Variants in UBXN10 observed in about 807,000 individuals in gnomAD.
UBXN10 encodes the protein UBX domain protein 10, also known as UBX domain-containing protein 10.
In UBXN10, 6 loss-of-function variants were observed where a neutral mutation model predicts 6.9. The ratio of observed to expected loss-of-function variants is 0.87; its 90% CI spans 0.48 to 1.72. The LOEUF (loss-of-function observed/expected upper bound fraction) is 1.72, where lower values mean the gene tolerates loss of function less well. Among genes scored for constraint, UBXN10 ranks in the 40% most tolerant of loss-of-function variants. UBXN10 has a pLI of 0.01. For missense variants in UBXN10, 317 were observed against 348.4 expected, an observed-to-expected ratio of 0.91 and a Z score of 0.72; for synonymous variants, 131 against 135.2, an observed-to-expected ratio of 0.97 and a Z score of 0.21.
chr1:20,184,503 G>C (rs2018332780), upstream of UBXN10: 1 of 152,228 alleles, frequency 6.6e-6, no homozygotes, highest in African/African-American at 2.4e-5. Context: ...CCAAAGAAGA[G>C]GCCTGGCCCA....
chr1:20,183,610 A>G (rs2018312076), upstream of UBXN10, among the ~76,000 whole-genome samples: 1 of 152,232 alleles, frequency 6.6e-6, no homozygotes, highest in Non-Finnish European at 1.5e-5. Context: ...GGCATGTTCC[A>G]CTGGACCAAA....
Position 20,190,942 on chromosome 1 carries a change from G to C in UBXN10, c.381G>C (p.Glu127Asp), listed in dbSNP as rs765893798. The C allele has an allele frequency of 3.1e-6, 5 of 1,614,156 alleles. No homozygotes were observed. The highest frequency in any genetic ancestry group is 4.2e-6 in the Non-Finnish European group (5 of 1,180,034). ...CCATCAACAGAAAGAACCTGGAGGA[G>C]GAGGCTGTGGAAACCGTTGCCAAAA... Reference protein sequence around the residue: ...LPSINRKNLEEEAVETVAKKA... With the variant: ...LPSINRKNLEDEAVETVAKKA... Residue 127 changes from glutamate to aspartate, a missense_variant, in exon 2 of 2, where the codon GAG (glutamate) becomes GAC (aspartate). Glu to Asp is a conservative substitution (Grantham distance 45). Coordinates refer to ENST00000375099, the MANE Select transcript of UBXN10 (RefSeq NM_152376.5).
rs2018541380 is a variant in UBXN10 at position 20,193,246 on chromosome 1, G to A, written c.*1842G>A. On this transcript the variant is annotated 3_prime_UTR_variant, in exon 2 of 2. Transcript: ENST00000375099. ...GGTAAGAATAAAATCCCACCCACCT[G>A]GGACTTGGTAATTTCTCCAGACAGG... The A allele has an allele frequency of 6.0e-6, 1 of 167,042 alleles. No individual in the cohort carries two copies. Among genetic ancestry groups the A allele is most frequent in the African/African-American group, 2.4e-5 (1 of 41,428 alleles). The allele number at this position is 167,042 out of a possible 1,614,324, so 10.3% of individuals were successfully genotyped here.
rs1470788882 is a variant in UBXN10, at chr1:20,192,115, A to G, written c.*711A>G. ...TTTAATAGAGACTGACTAGGTTTAC[A>G]ACTTCTGGGAGCTACTCTGTGGGCT... On this transcript the variant is annotated 3_prime_UTR_variant, in exon 2 of 2. Transcript: ENST00000375099. 6.0e-6 allele frequency: 1 copy of G among 167,092 alleles called. No individual in the cohort carries two copies. Among genetic ancestry groups the G allele is most frequent in the Non-Finnish European group, 1.5e-5 (1 of 68,110 alleles). 10.4% of individuals were successfully genotyped at this position (167,092 alleles called of 1,614,324 possible).
rs141452583 is a variant in UBXN10, at chr1:20,191,217, A to G, written c.656A>G (p.Asp219Gly). The change falls in exon 2 of 2, where the codon GAT (aspartate) becomes GGT (glycine). Residue 219 changes from aspartate (D) to glycine (G), a missense_variant. By Grantham distance (94) the Asp-to-Gly change is moderately conservative (BLOSUM62 -1). Coordinates refer to ENST00000375099, the MANE Select transcript of UBXN10 (RefSeq NM_152376.5). This position sits in a 1 kb window ranked among gnomAD's most constrained non-coding sequence, Gnocchi z 4.5. ...TTTGTACGCCATTTCCGGCCAACAG[A>G]TGATTTGCAAACCATTGTTGCTGTG... ...QRFVRHFRPT[D>G]DLQTIVAVAE... 2 of 1,614,092 alleles carry G rather than the reference A, an allele frequency of 1.2e-6. No individual in the cohort carries two copies. Among genetic ancestry groups the G allele is most frequent in the Admixed American group, 1.7e-5 (1 of 60,006 alleles).
upstream of UBXN10, among the ~76,000 whole-genome samples, chr1:20,183,389 G>C (rs1230306292): frequency 6.6e-6 from 1 of 152,238 alleles, no homozygotes; most frequent in Non-Finnish European, 1.5e-5. Context: ...GGAACACGCA[G>C]GTGAGGAGCT....
Position 20,193,390 on chromosome 1 carries a change from A to G in UBXN10, c.*1986A>G, listed in dbSNP as rs981887378. 4 of 167,146 alleles carry G rather than the reference A, an allele frequency of 2.4e-5. No individual in the cohort carries two copies. Among genetic ancestry groups the G allele is most frequent in the African/African-American group, 4.8e-5 (2 of 41,472 alleles). 10.4% of individuals were successfully genotyped at this position (167,146 alleles called of 1,614,324 possible). ...TTGGGGTTGGGAAAAAGTGGAAGGC[A>G]TAAGCATAGAAATATTTTAGGATAT... On this transcript the variant is annotated 3_prime_UTR_variant, in exon 2 of 2. Transcript: ENST00000375099.
chr1:20,187,310 G>C lies in UBXN10; in HGVS notation c.-16+1157G>C, dbSNP rs921410161. ...TATTCAGCTTGGCAGCTTGATAGAT[G>C]CCTACGCCTAGATCTTGTCAAATCG... On this transcript the variant is annotated intron_variant, in intron 1 of 1. Transcript: ENST00000375099. The surrounding 1 kb of genome is among the most constrained non-coding windows in gnomAD (Gnocchi z 4.6). Among the ~76,000 whole-genome samples the C allele has an allele frequency of 6.6e-6, 1 of 152,206 alleles. No individual in the cohort carries two copies. The highest frequency in any genetic ancestry group is 1.5e-5 in the Non-Finnish European group (1 of 68,036).
At chr1:20,184,197 G>GCACACACACACACACGCA (rs1553184786), upstream of UBXN10, 3 of 149,618 alleles carry the variant, frequency 2.0e-5, no homozygotes, top group African/African-American at 7.4e-5. Flanking sequence ...GTGCGCACAC[G>GCACACACACACACACGCA]CACACACACA....
chr1:20,184,172 C>T (rs2018322311), upstream of UBXN10: 1 of 148,424 alleles, frequency 6.7e-6, no homozygotes, highest in African/African-American at 2.5e-5. Context: ...TGTGCACTGG[C>T]AAAGGCGCGC....
chr1:20,188,908 A>T (rs1366746073), intron 1 of UBXN10, among the ~76,000 whole-genome samples: 4 of 152,162 alleles, frequency 2.6e-5, no homozygotes, highest in Non-Finnish European at 5.9e-5. Context: ...GACAACAAAA[A>T]ACGCTTAACA....
At position 20,194,448 on chromosome 1, in the gene UBXN10, G is replaced by C. The variant is rs1277222505; in HGVS notation, c.*3044G>C. On this transcript the variant is annotated 3_prime_UTR_variant, in exon 2 of 2. Transcript: ENST00000375099. ...GCCTTCAAGGCAGGGCACTCCTGCG[G>C]AAGAGATGGCTTGTGAACATGACTG... 6.0e-6 allele frequency: 1 copy of C among 167,108 alleles called. No individual in the cohort carries two copies. Among genetic ancestry groups the C allele is most frequent in the Non-Finnish European group, 1.5e-5 (1 of 68,126 alleles). 10.4% of individuals were successfully genotyped at this position (167,108 alleles called of 1,614,324 possible). A position where few individuals can be genotyped will look rare whatever the true frequency, so the allele number is the denominator to read the frequency against.
chr1:20,190,263 T>C (rs2018466866), intron 1 of UBXN10, among the ~76,000 whole-genome samples: 1 of 152,228 alleles, frequency 6.6e-6, no homozygotes, highest in African/African-American at 2.4e-5. Context: ...TTTTATTTTC[T>C]TCATAGCGGT....
In UBXN10 at chr1:20,195,320, A is replaced by G. The variant is rs940152269; in HGVS notation, c.*3916A>G. On this transcript the variant is annotated 3_prime_UTR_variant, in exon 2 of 2. Transcript: ENST00000375099. ...GTGGTGACAAATGCCCACGGGTAAA[A>G]CTGAGCAAGCCTCATTCAGACTGTC... The G allele has an allele frequency of 6.0e-6, 1 of 167,114 alleles. No individual in the cohort carries two copies. The highest frequency in any genetic ancestry group is 1.5e-5 in the Non-Finnish European group (1 of 68,184). The allele number at this position is 167,114 out of a possible 1,614,324, so 10.4% of individuals were successfully genotyped here. A position where few individuals can be genotyped will look rare whatever the true frequency, so the allele number is the denominator to read the frequency against.
Position 20,190,732 on chromosome 1 carries a change from G to A in UBXN10, c.171G>A (p.Glu57=). 1 of 1,614,114 alleles carries A rather than the reference G, an allele frequency of 6.2e-7. No homozygotes were observed. The highest frequency in any genetic ancestry group is 8.5e-7 in the Non-Finnish European group (1 of 1,180,048). The change falls in exon 2 of 2, where the codon GAG becomes GAA. Residue 57 remains glutamate, a synonymous_variant. Transcript: ENST00000375099. ...RPSLQKSQGV[E]VCAHHIPSPP... is the part of the protein sequence containing the mutation. ...GTCTGCAGAAATCCCAGGGCGTGGA[G>A]GTGTGCGCTCATCATATACCATCTC...
In UBXN10 at chr1:20,192,788, C is replaced by T. The variant is rs1168027858; in HGVS notation, c.*1384C>T. ...TCCAGAAGCATATACATGTGGCTAC[C>T]CCAGCAACAAGCGCATCCTGTGCTC... On this transcript the variant is annotated 3_prime_UTR_variant, in exon 2 of 2. Coordinates refer to ENST00000375099, the MANE Select transcript of UBXN10 (RefSeq NM_152376.5). 6.0e-6 allele frequency: 1 copy of T among 166,972 alleles called. No individual in the cohort carries two copies. Among genetic ancestry groups the T allele is most frequent in the Non-Finnish European group, 1.5e-5 (1 of 68,120 alleles). 10.3% of individuals were successfully genotyped at this position (166,972 alleles called of 1,614,324 possible).
chr1:20,185,661 T>C (rs1290421864), upstream of UBXN10, among the ~76,000 whole-genome samples: 1 of 152,154 alleles, frequency 6.6e-6, no homozygotes, highest in Non-Finnish European at 1.5e-5. Context: ...GCAACTCAGA[T>C]ACCCTAGAAG....
chr1:20,190,549 G>A lies in UBXN10; in HGVS notation c.-13G>A, dbSNP rs376144836. The A allele has an allele frequency of 2.0e-5, 32 of 1,607,026 alleles. No homozygotes were observed. Among genetic ancestry groups the A allele is most frequent in the Non-Finnish European group, 2.6e-5 (31 of 1,174,932 alleles). On this transcript the variant is annotated splice_region_variant and 5_prime_UTR_variant, in exon 2 of 2. Transcript: ENST00000375099. The stretch of plus-strand genomic sequence containing the variant: ...CTGTTTTTTTCCTGCTTCCTTAGGG[G>A]TCTTGAGAAGCAATGGCCACAGAAG...
chr1:20,191,667 A>G lies in UBXN10; in HGVS notation c.*263A>G, dbSNP rs2018505017. On this transcript the variant is annotated 3_prime_UTR_variant, in exon 2 of 2. Coordinates refer to ENST00000375099, the MANE Select transcript of UBXN10 (RefSeq NM_152376.5). This position sits in a 1 kb window ranked among gnomAD's most constrained non-coding sequence, Gnocchi z 4.5. Reference sequence around the variant, plus strand: ...TTACCAAGGTTGTTCCTGAAACAGCAGTGATCATGACTTCTCCTTTCCAGA... The same window carrying G: ...TTACCAAGGTTGTTCCTGAAACAGCGGTGATCATGACTTCTCCTTTCCAGA... The G allele has an allele frequency of 4.4e-6, 2 of 453,434 alleles. No homozygotes were observed. Among genetic ancestry groups the G allele is most frequent in the African/African-American group, 2.0e-5 (1 of 50,860 alleles). 28.1% of individuals were successfully genotyped at this position (453,434 alleles called of 1,614,324 possible). A position where few individuals can be genotyped will look rare whatever the true frequency, so the allele number is the denominator to read the frequency against.
Sources: gnomAD v4.1 joint callset for allele counts (sites outside exome capture counted in the v4.1 genomes callset) on GRCh38, gnomAD v4.1.1 for gene constraint, Gnocchi (gnomAD v3.1) non-coding constraint, MANE v1.5 for transcripts, NCBI Gene and HGNC (gene_info 2026-07-23, HGNC 2026-07-21) for gene names.